The following CCDC13 variants were observed in gnomAD, a reference collection of about 807,000 sequenced individuals.
CCDC13 encodes the protein coiled-coil domain containing 13, also known as coiled-coil domain-containing protein 13.
A neutral mutation model predicts 87.3 loss-of-function variants in CCDC13; 70 were observed. The observed-to-expected ratio is 0.80, with a 90% CI of 0.66 to 0.98. CCDC13 has a LOEUF of 0.98. CCDC13 is among the 50% of genes least tolerant of loss of function. The probability of loss-of-function intolerance (pLI) is 0.00; values close to 1 mark genes in which losing one functional copy is unlikely to be tolerated. For synonymous variants in CCDC13, 317 were observed against 360.3 expected (o/e 0.88, Z 1.36); for missense variants, 842 against 892.0 (o/e 0.94, Z 0.71).
At chr3:42,713,413 C>T in intron 13 of CCDC13, 97 bp from the exon 14 acceptor site, 1 of 1,224,890 alleles carries the variant, frequency 8.2e-7, no homozygotes, top group Non-Finnish European at 1.1e-6. Flanking sequence ...GCACATCTTA[C>T]ATTGGTAGTG....
At chr3:42,752,116 A>G in intron 4 of CCDC13, 91 bp from the exon 5 acceptor site, 1 of 1,123,124 alleles carries the variant, frequency 8.9e-7, no homozygotes, top group Non-Finnish European at 1.3e-6. Flanking sequence ...GTGGTTACCT[A>G]TCTTGGTGGT....
intron 13 of CCDC13, among the ~76,000 whole-genome samples, chr3:42,717,530 A>C (rs1446898518): frequency 6.6e-6 from 1 of 152,148 alleles, no homozygotes; most frequent in Non-Finnish European, 1.5e-5. Context: ...GTGGTTATGA[A>C]AAAGTTTGGA....
chr3:42,755,608 A>G (rs1211906731), intron 3 of CCDC13, among the ~76,000 whole-genome samples: 3 of 152,246 alleles, frequency 2.0e-5, no homozygotes, highest in Non-Finnish European at 4.4e-5. Context: ...CTCTGTCTCA[A>G]AAAGAAAAAA....
At position 42,744,392 on chromosome 3, in the gene CCDC13, A is replaced by G. The variant is rs141490899; in HGVS notation, c.826-1335T>C. Among the ~76,000 whole-genome samples, 28 of 152,322 alleles carry G rather than the reference A, an allele frequency of 1.8e-4. No individual in the cohort carries two copies. The East Asian group carries it at 4.8e-3, about 26-fold the overall frequency. On this transcript the variant is annotated intron_variant, in intron 7 of 15. Transcript: ENST00000310232. ...AACTTGAGCCAGGAAAGGAAGCACA[A>G]TTCGCTAGGCTCCCTGGCAAAGGGC...
intron 3 of CCDC13, among the ~76,000 whole-genome samples, chr3:42,753,057 C>T (rs1232268220): frequency 1.3e-5 from 2 of 152,198 alleles, no homozygotes; most frequent in African/African-American, 4.8e-5. Flanking sequence ...TTGCTGTGCC[C>T]TCTAATGAGC....
At chr3:42,768,266 G>A (rs1023732213) in intron 1 of CCDC13, among the ~76,000 whole-genome samples, 1 of 152,152 alleles carries the variant, frequency 6.6e-6, no homozygotes, top group Non-Finnish European at 1.5e-5. Context: ...TAATACAGGA[G>A]AAAATCTAGC....
chr3:42,712,969 G>A (rs1292912421), intron 14 of CCDC13, among the ~76,000 whole-genome samples, 193 bp downstream of exon 14: 1 of 152,208 alleles, frequency 6.6e-6, no homozygotes, highest in Admixed American at 6.5e-5. Flanking sequence ...ATGGAGCTCT[G>A]GGGCTCCTGC....
intron 9 of CCDC13, 122 bp downstream of exon 9, chr3:42,739,512 G>A (rs940527481): frequency 4.5e-6 from 5 of 1,112,782 alleles, no homozygotes; most frequent in East Asian, 5.1e-5. Flanking sequence ...TGGAGGCAAC[G>A]GGCTTTGGGG....
intron 13 of CCDC13, among the ~76,000 whole-genome samples, chr3:42,728,924 G>T (rs1040493775): frequency 2.1e-5 from 3 of 144,890 alleles, no homozygotes; most frequent in African/African-American, 7.8e-5. Context: ...TGCCCTGCTT[G>T]CCTCACCCAA....
chr3:42,741,580 T>C (rs1040014285), intron 8 of CCDC13, among the ~76,000 whole-genome samples: 1 of 152,020 alleles, frequency 6.6e-6, no homozygotes, highest in Non-Finnish European at 1.5e-5. Context: ...CTACTAAATA[T>C]ATAAAAATTA....
chr3:42,739,919 C>T, intron 8 of CCDC13, 109 bp from the exon 9 acceptor site: 3 of 1,015,356 alleles, frequency 3.0e-6, no homozygotes, highest in South Asian at 3.0e-5. Flanking sequence ...GGTGGGGGTG[C>T]TTGTTGAATG....
chr3:42,722,954 G>A (rs1454498822), intron 13 of CCDC13, among the ~76,000 whole-genome samples: 11 of 151,798 alleles, frequency 7.2e-5, no homozygotes, highest in South Asian at 4.2e-4. Flanking sequence ...CCACCACTAC[G>A]CCCAGCTAAT....
intron 13 of CCDC13, among the ~76,000 whole-genome samples, chr3:42,715,142 CAA>C (rs35875657): frequency 0.26 from 36,813 of 139,672 alleles, 4,682 homozygotes; most frequent in Non-Finnish European, 0.29. Flanking sequence ...ACTAAAAATA[CAA>C]AAAAAAAAAA....
chr3:42,722,226 C>G (rs919520435), intron 13 of CCDC13, among the ~76,000 whole-genome samples: 1 of 152,128 alleles, frequency 6.6e-6, no homozygotes, highest in African/African-American at 2.4e-5. Context: ...TCCTCACTAC[C>G]CTGAACACAA....
At chr3:42,719,347 C>G (rs1575275592) in intron 13 of CCDC13, 1 of 151,432 alleles carries the variant, frequency 6.6e-6, no homozygotes, top group South Asian at 2.1e-4. Context: ...TCTCTGAGCA[C>G]CTCACCTTCC....
In CCDC13 at chr3:42,709,761, C is replaced by T. The variant is rs1698260243; in HGVS notation, c.1911G>A (p.Gly637=). 1.9e-6 allele frequency: 3 copies of T among 1,614,162 alleles called. No homozygotes were observed. Among genetic ancestry groups the T allele is most frequent in the Non-Finnish European group, 2.5e-6 (3 of 1,180,006 alleles). ...CAAAGGATGGGTCCTTCTTCTCGCTCCCGGTTGGGTTGTGCCTGTTGTTAG... is the reference window on the plus strand; with the variant it reads ...CAAAGGATGGGTCCTTCTTCTCGCTTCCGGTTGGGTTGTGCCTGTTGTTAG... ...PTSNNRHNPT[G]SEKKDPSFAQ... is the part of the protein sequence containing the mutation. The change falls in exon 15 of 16, where the codon GGG becomes GGA. Residue 637 remains glycine (G), a synonymous_variant. Coordinates refer to ENST00000310232, the MANE Select transcript of CCDC13 (RefSeq NM_144719.4).
chr3:42,737,511 C>A (rs1699068299), intron 9 of CCDC13, among the ~76,000 whole-genome samples: 1 of 152,244 alleles, frequency 6.6e-6, no homozygotes, highest in Non-Finnish European at 1.5e-5. Context: ...AATGGTTGAA[C>A]TAATTCACAG....
chr3:42,752,230 C>T (rs1473128764), intron 4 of CCDC13, among the ~76,000 whole-genome samples: 1 of 152,140 alleles, frequency 6.6e-6, no homozygotes, highest in African/African-American at 2.4e-5. Context: ...ATTCCCTAAT[C>T]GTACTATAAA....
At chr3:42,744,164 T>G (rs1575312433) in intron 7 of CCDC13, among the ~76,000 whole-genome samples, 1 of 106,614 alleles carries the variant, frequency 9.4e-6, no homozygotes, top group African/African-American at 3.2e-5. Context: ...TTAGGTAACT[T>G]TGCAAAATCC....
Sources: allele counts gnomAD v4.1 joint callset (sites outside exome capture counted in the v4.1 genomes callset), GRCh38; gene constraint gnomAD v4.1.1; transcripts MANE v1.5; gene names NCBI Gene and HGNC (gene_info 2026-07-23, HGNC 2026-07-21).